Variants in GLIS3 observed in about 807,000 individuals in gnomAD.
GLIS3 encodes the protein GLIS family zinc finger 3.
In GLIS3, 53 loss-of-function variants were observed where a neutral mutation model predicts 78.6. The ratio of observed to expected loss-of-function variants is 0.67; its 90% CI spans 0.54 to 0.85. The LOEUF (loss-of-function observed/expected upper bound fraction) is 0.85. Among genes scored for constraint, GLIS3 ranks in the 40% least tolerant of loss-of-function variants. GLIS3 has a pLI of 0.00. For synonymous variants in GLIS3, 684 were observed against 509.9 expected, an observed-to-expected ratio of 1.34 and a Z score of -4.60; for missense variants, 1,703 against 1,231.1, an observed-to-expected ratio of 1.38 and a Z score of -5.74.
At chr9:3,893,510 T>G (rs1379972187) in intron 7 of GLIS3, among the ~76,000 whole-genome samples, 2 of 152,194 alleles carry the variant, frequency 1.3e-5, no homozygotes, top group Admixed American at 6.5e-5. Context: ...ATTATAACGC[T>G]GCTGTGGGGT....
At chr9:4,174,568 C>A (rs1816656670) in intron 2 of GLIS3, among the ~76,000 whole-genome samples, 1 of 152,128 alleles carries the variant, frequency 6.6e-6, no homozygotes. Flanking sequence ...TATATATAAT[C>A]AATTATCTAA....
At chr9:3,832,836 G>T (rs878924817) in intron 9 of GLIS3, among the ~76,000 whole-genome samples, 1 of 152,102 alleles carries the variant, frequency 6.6e-6, no homozygotes, top group South Asian at 2.1e-4. Flanking sequence ...TCCAAGAAAA[G>T]ATTTTTTCAC....
At chr9:4,201,391 C>A (rs542527721) in intron 2 of GLIS3, among the ~76,000 whole-genome samples, 1 of 152,274 alleles carries the variant, frequency 6.6e-6, no homozygotes, top group Non-Finnish European at 1.5e-5. Context: ...AGAAGTCAAA[C>A]TGTCCCGTCT....
the GLIS3 span, among the ~76,000 whole-genome samples, chr9:4,477,270 G>C: frequency 6.8e-6 from 1 of 147,292 alleles, no homozygotes; most frequent in Non-Finnish European, 1.5e-5. Context: ...CAACATGTGT[G>C]AACCTAAACG....
upstream of GLIS3, among the ~76,000 whole-genome samples, chr9:4,353,090 G>C (rs180682511): frequency 6.6e-6 from 1 of 152,108 alleles, no homozygotes; most frequent in Non-Finnish European, 1.5e-5. Flanking sequence ...AGACTCAGCC[G>C]TGTCTTTGGA....
intron 2 of GLIS3, among the ~76,000 whole-genome samples, chr9:4,325,029 C>T (rs188456772): frequency 6.6e-6 from 1 of 152,158 alleles, no homozygotes; most frequent in Admixed American, 6.5e-5. Flanking sequence ...TATTTTTGTC[C>T]ACAGTTAATT....
chr9:3,971,007 G>A (rs1234168915), intron 4 of GLIS3, among the ~76,000 whole-genome samples: 1 of 151,772 alleles, frequency 6.6e-6, no homozygotes, highest in African/African-American at 2.4e-5. Flanking sequence ...GGGACGGAGA[G>A]AAGGAAGGAA....
At chr9:3,943,527 C>T (rs1816085212) in intron 4 of GLIS3, among the ~76,000 whole-genome samples, 1 of 152,198 alleles carries the variant, frequency 6.6e-6, no homozygotes, top group African/African-American at 2.4e-5. Context: ...AAAGGTTCTA[C>T]CCAGAGTAAT....
At chr9:3,861,426 T>C (rs1401648433) in intron 8 of GLIS3, among the ~76,000 whole-genome samples, 1 of 152,146 alleles carries the variant, frequency 6.6e-6, no homozygotes, top group Non-Finnish European at 1.5e-5. Context: ...CCCATTACTT[T>C]GGGTATATAA....
In GLIS3 at chr9:4,158,933, C is replaced by T. The variant is rs75764809; in HGVS notation, c.389-32992G>A. Among the ~76,000 whole-genome samples the T allele has an allele frequency of 7.1e-3, 1,068 of 150,076 alleles. 10 individuals carry two copies. The highest frequency in any genetic ancestry group is 0.025 in the African/African-American group (1,006 of 40,708). On this transcript the variant is annotated intron_variant, in intron 2 of 10. Transcript: ENST00000381971. ...GATGCAAATAGTGAGAAGAAACCAG[C>T]CATGTAACAATACGGGGGCGGAGTC...
chr9:4,220,465 G>T (rs1306815074), intron 2 of GLIS3, among the ~76,000 whole-genome samples: 1 of 152,210 alleles, frequency 6.6e-6, no homozygotes. Context: ...AACACCACCA[G>T]CATTAGACAG....
Position 4,248,198 on chromosome 9 carries a change from C to A in GLIS3, c.388+37840G>T, listed in dbSNP as rs373345897. Reference sequence around the variant, plus strand: ...TGGTTTGCTGCACCCGTCAACCTGTCATCTACATTACTTATTTCTCCTAAT... The same window carrying A: ...TGGTTTGCTGCACCCGTCAACCTGTAATCTACATTACTTATTTCTCCTAAT... On this transcript the variant is annotated intron_variant, in intron 2 of 10. Coordinates refer to ENST00000381971, the MANE Select transcript of GLIS3 (RefSeq NM_001042413.2). Among the ~76,000 whole-genome samples, 13 of 152,130 alleles carry A rather than the reference C, an allele frequency of 8.5e-5. No individual in the cohort carries two copies. The South Asian group carries it at 2.5e-3, about 29-fold the overall frequency.
intron 4 of GLIS3, among the ~76,000 whole-genome samples, chr9:3,980,114 T>C (rs1257368658): frequency 6.6e-6 from 1 of 152,208 alleles, no homozygotes; most frequent in African/African-American, 2.4e-5. Context: ...AGTGGACTTC[T>C]TCCTGTTGGT....
chr9:4,039,983 G>C (rs1414771146), intron 4 of GLIS3, among the ~76,000 whole-genome samples: 2 of 152,180 alleles, frequency 1.3e-5, no homozygotes, highest in Admixed American at 6.5e-5. Context: ...GGGAAGATTT[G>C]AGTCTTAAGA....
intron 2 of GLIS3, among the ~76,000 whole-genome samples, chr9:4,254,085 A>G (rs942852312): frequency 6.6e-6 from 1 of 152,216 alleles, no homozygotes; most frequent in South Asian, 2.1e-4. Flanking sequence ...GAATTTAATG[A>G]TGACTGGTTA....
At chr9:4,342,164 C>T (rs549455666) in intron 2 of GLIS3, among the ~76,000 whole-genome samples, 2 of 152,242 alleles carry the variant, frequency 1.3e-5, no homozygotes, top group African/African-American at 4.8e-5. Context: ...AATCTTTTGT[C>T]AAGGCCTATG....
At chr9:4,252,073 A>G (rs555610817) in intron 2 of GLIS3, among the ~76,000 whole-genome samples, 1 of 152,052 alleles carries the variant, frequency 6.6e-6, no homozygotes, top group Admixed American at 6.6e-5. Context: ...GAATCTGATA[A>G]TTATGTGTCT....
intron 2 of GLIS3, among the ~76,000 whole-genome samples, chr9:4,248,628 T>C (rs1430203030): frequency 6.6e-6 from 1 of 152,200 alleles, no homozygotes; most frequent in African/African-American, 2.4e-5. Context: ...CTGGGTCAAA[T>C]GGTATTTCTG....
At chr9:3,847,214 T>TA (rs113542066) in intron 9 of GLIS3, among the ~76,000 whole-genome samples, 27 of 150,738 alleles carry the variant, frequency 1.8e-4, no homozygotes, top group Non-Finnish European at 2.8e-4. Flanking sequence ...AATACATAAA[T>TA]AAAAAAAAAT....
Sources: allele counts gnomAD v4.1 joint callset (sites outside exome capture counted in the v4.1 genomes callset), GRCh38; gene constraint gnomAD v4.1.1; transcripts MANE v1.5; gene names NCBI Gene and HGNC (gene_info 2026-07-23, HGNC 2026-07-21).